STXBP5: variants seen among roughly 807,000 people sequenced by gnomAD.
The protein encoded by STXBP5 is syntaxin-binding protein 5.
A neutral mutation model predicts 152.4 loss-of-function variants in STXBP5; 50 were observed. That is an observed-to-expected ratio of 0.33 (90% CI 0.26 to 0.42). STXBP5 has a LOEUF of 0.42. Among genes scored for constraint, STXBP5 ranks in the 10% least tolerant of loss-of-function variants. The pLI, the probability that STXBP5 is intolerant of heterozygous loss-of-function variation, is 1.00. For synonymous variants in STXBP5, 492 were observed against 494.7 expected (o/e 0.99, Z 0.07); for missense variants, 1,167 against 1,388.6 (o/e 0.84, Z 2.54).
In STXBP5 at chr6:147,292,457, T is replaced by A. The variant is rs1043122841; in HGVS notation, c.917+1285T>A. On this transcript the variant is annotated intron_variant, in intron 9 of 27. Coordinates refer to ENST00000321680, the MANE Select transcript of STXBP5 (RefSeq NM_001127715.4). ...TCAGACATTAGTTGTTTAATTGAGA[T>A]GATAATGTATGTAAAACATTTCAAG... 4 of 249,454 alleles carry A rather than the reference T, an allele frequency of 1.6e-5. No individual in the cohort carries two copies. In the Admixed American group the frequency reaches 1.7e-4, roughly 11 times the overall value. The allele number at this position is 249,454 out of a possible 1,614,324, so 15.5% of individuals were successfully genotyped here. A position where few individuals can be genotyped will look rare whatever the true frequency, so the allele number is the denominator to read the frequency against.
At chr6:147,306,699 T>A (rs1317759617) in intron 9 of STXBP5, among the ~76,000 whole-genome samples, 3 of 152,180 alleles carry the variant, frequency 2.0e-5, no homozygotes, top group African/African-American at 7.2e-5. Flanking sequence ...ACCTCTGGTC[T>A]TTGTGGTGGC....
At chr6:147,207,343 C>T (rs1157392518) in intron 2 of STXBP5, among the ~76,000 whole-genome samples, 1 of 152,154 alleles carries the variant, frequency 6.6e-6, no homozygotes, top group Non-Finnish European at 1.5e-5. Context: ...TAAGTGAAGT[C>T]TACTATACAT....
intron 7 of STXBP5, among the ~76,000 whole-genome samples, chr6:147,273,000 A>G (rs1048172125): frequency 6.6e-6 from 1 of 152,076 alleles, no homozygotes; most frequent in Non-Finnish European, 1.5e-5. Flanking sequence ...TACTTCATCT[A>G]TATAAAATTT....
intron 18 of STXBP5, chr6:147,328,844 AT>A: frequency 2.2e-6 from 1 of 459,040 alleles, no homozygotes; most frequent in Non-Finnish European, 4.5e-6. Flanking sequence ...TTTTGTGTTC[AT>A]TTTTAAAAGA....
intron 4 of STXBP5, among the ~76,000 whole-genome samples, chr6:147,258,976 C>A (rs572678811): frequency 6.6e-6 from 1 of 152,104 alleles, no homozygotes; most frequent in Non-Finnish European, 1.5e-5. Flanking sequence ...TTAAGAAATT[C>A]TTGAGTTCAT....
At position 147,384,730 on chromosome 6, in the gene STXBP5, A is replaced by G. The variant is rs907789246; in HGVS notation, c.3431A>G (p.Lys1144Arg). 1 of 1,611,932 alleles carries G rather than the reference A, an allele frequency of 6.2e-7. No individual in the cohort carries two copies. The change falls in exon 28 of 28, where the codon AAA (lysine) becomes AGA (arginine). Residue 1144 changes from lysine (K) to arginine (R), a missense_variant. Coordinates refer to ENST00000321680, the MANE Select transcript of STXBP5 (RefSeq NM_001127715.4). Reference sequence around the variant, plus strand: ...CCCCTTTAGATTATGTTGAAATACAAAGATAAGAAGTGGTACCAGTTCTGA... The same window carrying G: ...CCCCTTTAGATTATGTTGAAATACAGAGATAAGAAGTGGTACCAGTTCTGA... ...KHAHEIMLKY[K>R]DKKWYQF
At chr6:147,294,441 T>C (rs955050083) in intron 9 of STXBP5, among the ~76,000 whole-genome samples, 2 of 152,120 alleles carry the variant, frequency 1.3e-5, no homozygotes, top group African/African-American at 4.8e-5. Context: ...ATACCAGTTG[T>C]GTCACATACA....
At chr6:147,352,263 T>C (rs1784620260) in intron 21 of STXBP5, among the ~76,000 whole-genome samples, 1 of 152,234 alleles carries the variant, frequency 6.6e-6, no homozygotes, top group Admixed American at 6.5e-5. Context: ...AAGGAGTGGT[T>C]GAGTCAGATA....
intron 10 of STXBP5, 104 bp downstream of exon 10, chr6:147,310,342 A>G: frequency 1.1e-6 from 1 of 912,376 alleles, no homozygotes; most frequent in South Asian, 4.7e-5. Flanking sequence ...TATTGTGCTA[A>G]TTCTTCTGGA....
intron 9 of STXBP5, among the ~76,000 whole-genome samples, chr6:147,304,604 C>T (rs1444431220): frequency 6.6e-6 from 1 of 152,074 alleles, no homozygotes; most frequent in Non-Finnish European, 1.5e-5. Context: ...ATGGTAGATC[C>T]ACTGACAGCT....
intron 21 of STXBP5, among the ~76,000 whole-genome samples, chr6:147,343,321 C>T (rs1373523132): frequency 2.0e-5 from 3 of 152,068 alleles, no homozygotes; most frequent in Non-Finnish European, 4.4e-5. Flanking sequence ...CAATAATGTT[C>T]TTTCAAGTGC....
Position 147,262,359 on chromosome 6 carries a change from A to AT in STXBP5, c.630+12dup. ...ATCCAATGGACGAGGGAAAGGTAGA[A>AT]TTTTTTGTAAAAAATTATATATTAA... On this transcript the variant is annotated splice_region_variant and intron_variant, in intron 6 of 27. Transcript: ENST00000321680. 2 of 1,538,872 alleles carry AT rather than the reference A, an allele frequency of 1.3e-6. No individual in the cohort carries two copies. The highest frequency in any genetic ancestry group is 1.8e-6 in the Non-Finnish European group (2 of 1,141,900).
chr6:147,275,088 T>C (rs1250419144), intron 7 of STXBP5, among the ~76,000 whole-genome samples: 5 of 152,192 alleles, frequency 3.3e-5, no homozygotes, highest in Non-Finnish European at 7.3e-5. Flanking sequence ...TACAAGATGC[T>C]GTCTTGTCTA....
intron 2 of STXBP5, among the ~76,000 whole-genome samples, chr6:147,219,377 T>C (rs902216143): frequency 2.6e-5 from 4 of 151,420 alleles, no homozygotes; most frequent in African/African-American, 9.8e-5. Context: ...TTGATCTTAG[T>C]TTTCTTTTCT....
intron 19 of STXBP5, 102 bp downstream of exon 19, chr6:147,334,324 C>T (rs538528580): frequency 3.6e-4 from 374 of 1,049,274 alleles, no homozygotes; most frequent in Non-Finnish European, 4.7e-4. Context: ...AATACATCTA[C>T]GAAAACTTTT....
chr6:147,386,630 A>G lies in STXBP5; in HGVS notation c.*1875A>G, dbSNP rs762941399. 1.3e-4 allele frequency: 19 copies of G among 151,870 alleles called. No homozygotes were observed. Among genetic ancestry groups the G allele is most frequent in the Non-Finnish European group, 2.7e-4 (18 of 67,802 alleles). The allele number at this position is 151,870 out of a possible 1,614,324, so 9.4% of individuals were successfully genotyped here. ...AACATATTTCTGTTTCGTTAATGTC[A>G]GCTGCCTGAACATTCAGCAGTTTAT... On this transcript the variant is annotated 3_prime_UTR_variant, in exon 28 of 28. Coordinates refer to ENST00000321680, the MANE Select transcript of STXBP5 (RefSeq NM_001127715.4).
chr6:147,263,342 C>CTTTTTTTTTTTTTTTTTTTTTTTTT (rs1029110765), intron 6 of STXBP5, among the ~76,000 whole-genome samples: 2 of 128,818 alleles, frequency 1.6e-5, no homozygotes, highest in Non-Finnish European at 3.4e-5. Flanking sequence ...TTCTTTCTTT[C>CTTTTTTTTTTTTTTTTTTTTTTTTT]TTTTTTTTTT....
chr6:147,215,350 A>T (rs1777104976), intron 2 of STXBP5, among the ~76,000 whole-genome samples: 1 of 152,202 alleles, frequency 6.6e-6, no homozygotes, highest in Non-Finnish European at 1.5e-5. Flanking sequence ...TGTCACAAAT[A>T]AGAGTCTTAA....
chr6:147,315,355 A>G (rs1389187988), intron 14 of STXBP5, among the ~76,000 whole-genome samples, 160 bp from the exon 15 acceptor site: 1 of 152,182 alleles, frequency 6.6e-6, no homozygotes, highest in South Asian at 2.1e-4. Flanking sequence ...AACAAAGAAT[A>G]TATTATCTAA....
Sources: allele counts gnomAD v4.1 joint callset (sites outside exome capture counted in the v4.1 genomes callset), GRCh38; gene constraint gnomAD v4.1.1; transcripts MANE v1.5; gene names NCBI Gene and HGNC (gene_info 2026-07-23, HGNC 2026-07-21).